PRKN: variants seen among roughly 807,000 people sequenced by gnomAD.
PRKN encodes parkin RBR E3 ubiquitin protein ligase, also known as E3 ubiquitin-protein ligase parkin.
A neutral mutation model predicts 59.5 loss-of-function variants in PRKN; 56 were observed. The observed-to-expected ratio is 0.94, with a 90% CI of 0.76 to 1.18. The LOEUF is 1.18. PRKN is among the 50% of genes most tolerant of loss of function. The pLI is 0.00. For synonymous variants in PRKN, 250 were observed against 222.1 expected (o/e 1.13, Z -1.12); for missense variants, 657 against 596.4 (o/e 1.10, Z -1.06).
chr6:162,620,533 A>C (rs1432984234), intron 1 of PRKN, among the ~76,000 whole-genome samples: 2 of 152,230 alleles, frequency 1.3e-5, no homozygotes, highest in East Asian at 1.9e-4. Context: ...TCCAACACTA[A>C]TGTGCTGCTG....
intron 3 of PRKN, among the ~76,000 whole-genome samples, chr6:162,255,537 G>T (rs967033251): frequency 3.3e-5 from 5 of 152,106 alleles, no homozygotes; most frequent in African/African-American, 1.2e-4. Context: ...TCTGATAGGG[G>T]GCCAATGATT....
In PRKN at chr6:161,541,975, G is replaced by A. The variant is rs1236398673; in HGVS notation, c.1083+6879C>T. ...ACCCTTGAACAACATGTATTAGAAC[G>A]TAAGTCCACTTGTATGTAGATTTTC... On this transcript the variant is annotated intron_variant, in intron 9 of 11. Coordinates refer to ENST00000366898, the MANE Select transcript of PRKN (RefSeq NM_004562.3). Among the ~76,000 whole-genome samples, 7 of 152,092 alleles carry A rather than the reference G, an allele frequency of 4.6e-5. No homozygotes were observed. In the South Asian group the frequency reaches 8.3e-4, roughly 18 times the overall value.
intron 6 of PRKN, among the ~76,000 whole-genome samples, chr6:161,874,060 T>TATATAATATATATTATATGTAAA: frequency 1.8e-5 from 1 of 55,778 alleles, no homozygotes; most frequent in African/African-American, 8.0e-5. Context: ...TAAAATATAA[T>TATATAATATATATTATATGTAAA]ATATAATATA....
intron 6 of PRKN, among the ~76,000 whole-genome samples, chr6:161,953,203 C>T (rs1167748545): frequency 6.6e-6 from 1 of 152,134 alleles, no homozygotes; most frequent in Non-Finnish European, 1.5e-5. Context: ...CCTCCACCTC[C>T]CGGGTTCAAG....
intron 1 of PRKN, among the ~76,000 whole-genome samples, chr6:162,715,316 T>G (rs1778681984): frequency 6.6e-6 from 1 of 152,190 alleles, no homozygotes; most frequent in Non-Finnish European, 1.5e-5. Flanking sequence ...CAACAATTAT[T>G]TATTAAGTAT....
intron 1 of PRKN, among the ~76,000 whole-genome samples, chr6:162,498,737 T>C (rs1037788782): frequency 1.2e-4 from 19 of 152,066 alleles, no homozygotes; most frequent in Non-Finnish European, 5.9e-5. Flanking sequence ...CTAATGTGTA[T>C]CCATGAAAGT....
At chr6:161,450,450 T>C (rs1789678718) in intron 9 of PRKN, among the ~76,000 whole-genome samples, 1 of 152,272 alleles carries the variant, frequency 6.6e-6, no homozygotes, top group Non-Finnish European at 1.5e-5. Context: ...TTGCAATACA[T>C]AACAATCTGC....
rs1036945965 is a variant in PRKN at position 161,357,140 on chromosome 6, C to T, written c.1285+2948G>A. Among the ~76,000 whole-genome samples, 1 of 151,406 alleles carries T rather than the reference C, an allele frequency of 6.6e-6. No homozygotes were observed. Among genetic ancestry groups the T allele is most frequent in the Non-Finnish European group, 1.5e-5 (1 of 67,920 alleles). ...GATCTCAGCTCACTGCAAATTCCGC[C>T]TCCCAGGTTCAAGTAATTCTCCTGC... On this transcript the variant is annotated intron_variant, in intron 11 of 11. Transcript: ENST00000366898. The surrounding 1 kb of genome is among the most constrained non-coding windows in gnomAD (Gnocchi z 5.5).
Position 161,480,848 on chromosome 6 carries a change from T to G in PRKN, c.1083+68006A>C, listed in dbSNP as rs1791356430. On this transcript the variant is annotated intron_variant, in intron 9 of 11. Coordinates refer to ENST00000366898, the MANE Select transcript of PRKN (RefSeq NM_004562.3). The surrounding 1 kb of genome is among the most constrained non-coding windows in gnomAD (Gnocchi z 4.1). ...CCGCTTTTAATTTCATTGCTATAAC[T>G]AATTAGCATTAGAGAAACCATTTTC... Among the ~76,000 whole-genome samples the G allele has an allele frequency of 6.6e-6, 1 of 152,272 alleles. No individual in the cohort carries two copies. Among genetic ancestry groups the G allele is most frequent in the African/African-American group, 2.4e-5 (1 of 41,478 alleles).
chr6:161,778,644 C>T (rs1299437163), intron 7 of PRKN, among the ~76,000 whole-genome samples: 1 of 152,160 alleles, frequency 6.6e-6, no homozygotes, highest in African/African-American at 2.4e-5. Flanking sequence ...AAAGACAACA[C>T]TGGGGTCTGA....
At chr6:162,006,229 A>G (rs1168753666) in intron 5 of PRKN, among the ~76,000 whole-genome samples, 1 of 152,158 alleles carries the variant, frequency 6.6e-6, no homozygotes, top group Non-Finnish European at 1.5e-5. Context: ...TAAACGACTG[A>G]CAATTCCTGG....
chr6:161,746,649 T>C (rs1375552893), intron 7 of PRKN, among the ~76,000 whole-genome samples: 2 of 146,640 alleles, frequency 1.4e-5, no homozygotes, highest in Non-Finnish European at 3.0e-5. Flanking sequence ...TATGTATATA[T>C]CTATATAGAT....
At chr6:162,529,958 C>G (rs370400274) in intron 1 of PRKN, among the ~76,000 whole-genome samples, 39 of 152,098 alleles carry the variant, frequency 2.6e-4, no homozygotes, top group African/African-American at 9.2e-4. Flanking sequence ...GGAGAAACCC[C>G]CGTCTCTACT....
chr6:161,455,861 C>CAAA (rs60382394), intron 9 of PRKN, among the ~76,000 whole-genome samples: 5 of 72,800 alleles, frequency 6.9e-5, no homozygotes, highest in South Asian at 1.0e-3. Context: ...GACTCCGTCT[C>CAAA]AAAAAAAAAA....
intron 2 of PRKN, among the ~76,000 whole-genome samples, chr6:162,439,530 TA>T (rs1789950882): frequency 6.6e-6 from 1 of 152,182 alleles, no homozygotes; most frequent in Admixed American, 6.5e-5. Flanking sequence ...CTAAAATCCC[TA>T]CTCTGTCCAC....
At chr6:161,897,467 C>T (rs1299506784) in intron 6 of PRKN, among the ~76,000 whole-genome samples, 4 of 152,098 alleles carry the variant, frequency 2.6e-5, no homozygotes, top group Admixed American at 1.3e-4. Context: ...GCCCATTTTC[C>T]TTCTGTAAGA....
chr6:161,495,537 G>A (rs1012836529), intron 9 of PRKN, among the ~76,000 whole-genome samples: 1 of 152,156 alleles, frequency 6.6e-6, no homozygotes, highest in African/African-American at 2.4e-5. Flanking sequence ...TCTGGGTTAC[G>A]CCCTTAAAGA....
intron 5 of PRKN, among the ~76,000 whole-genome samples, chr6:162,005,964 T>A (rs1328945972): frequency 1.3e-5 from 2 of 152,148 alleles, no homozygotes; most frequent in Non-Finnish European, 2.9e-5. Context: ...TATATATATC[T>A]ACTCACATTT....
At chr6:162,104,367 C>T (rs994771506) in intron 4 of PRKN, among the ~76,000 whole-genome samples, 2 of 152,114 alleles carry the variant, frequency 1.3e-5, no homozygotes, top group East Asian at 3.9e-4. Context: ...ATCTATGTAA[C>T]CTTCCAATAC....
Sources: gnomAD v4.1 joint callset for allele counts (sites outside exome capture counted in the v4.1 genomes callset) on GRCh38, gnomAD v4.1.1 for gene constraint, Gnocchi (gnomAD v3.1) non-coding constraint, MANE v1.5 for transcripts, NCBI Gene and HGNC (gene_info 2026-07-23, HGNC 2026-07-21) for gene names.